Variants in MAP2 observed in about 807,000 individuals in gnomAD.
MAP2 encodes the protein microtubule-associated protein 2.
Under a neutral mutation model 137.6 loss-of-function variants are expected in MAP2, and 14 were observed. The observed-to-expected ratio is 0.10, with a 90% CI of 0.07 to 0.16. The LOEUF is 0.16. Ranked by LOEUF, MAP2 falls within the 10% of genes least tolerant of loss-of-function variation. MAP2 has a pLI of 1.00. For synonymous variants in MAP2, 786 were observed against 782.3 expected (o/e 1.00, Z -0.08); for missense variants, 2,088 against 2,191.5 (o/e 0.95, Z 0.94).
intron 2 of MAP2, among the ~76,000 whole-genome samples, chr2:209,562,008 T>C (rs1284471086): frequency 3.3e-5 from 5 of 152,218 alleles, no homozygotes. Context: ...TGTTTGATAA[T>C]TACTATTACA....
intron 4 of MAP2, among the ~76,000 whole-genome samples, chr2:209,646,672 G>A (rs1484036744): frequency 6.6e-6 from 1 of 152,120 alleles, no homozygotes; most frequent in Non-Finnish European, 1.5e-5. Flanking sequence ...ATATTAGATA[G>A]TTTCTATTAA....
chr2:209,599,000 C>G (rs1242395571), intron 3 of MAP2, among the ~76,000 whole-genome samples: 1 of 152,046 alleles, frequency 6.6e-6, no homozygotes, highest in African/African-American at 2.4e-5. Flanking sequence ...ATTTCTAGTT[C>G]TAGATCCCTG....
At chr2:209,707,844 G>A (rs1171297347) in intron 12 of MAP2, among the ~76,000 whole-genome samples, 1 of 152,016 alleles carries the variant, frequency 6.6e-6, no homozygotes, top group Non-Finnish European at 1.5e-5. Flanking sequence ...TACAAGTATG[G>A]AAATGACTCC....
chr2:209,672,035 C>T (rs1037627084), intron 5 of MAP2, among the ~76,000 whole-genome samples: 8 of 151,810 alleles, frequency 5.3e-5, no homozygotes, highest in Non-Finnish European at 8.8e-5. Flanking sequence ...CTTTAAAATG[C>T]GCTAAAAGCA....
At position 209,693,648 on chromosome 2, in the gene MAP2, T is replaced by G. The variant is rs754747611; in HGVS notation, c.1478T>G (p.Met493Arg). ...EQKDQEPTTD[M>R]LKQDSFPVSL... ...AAAGACCAAGAGCCTACCACAGATA[T>G]GTTGAAACAGGACTCGTTCCCTGTA... The change falls in exon 8 of 16, where the codon ATG (methionine) becomes AGG (arginine). Residue 493 changes from methionine (M) to arginine (R), a missense_variant. Coordinates refer to ENST00000682079, the MANE Select transcript of MAP2 (RefSeq NM_001375505.1). The G allele has an allele frequency of 6.2e-7, 1 of 1,613,922 alleles. No homozygotes were observed. The highest frequency in any genetic ancestry group is 8.5e-7 in the Non-Finnish European group (1 of 1,180,000).
intron 13 of MAP2, among the ~76,000 whole-genome samples, chr2:209,722,563 G>C (rs1187965053): frequency 6.6e-6 from 1 of 152,058 alleles, no homozygotes; most frequent in Non-Finnish European, 1.5e-5. Flanking sequence ...GAAGAGAGTA[G>C]AAGTAGCCAA....
chr2:209,693,536 G>A lies in MAP2; in HGVS notation c.1366G>A (p.Val456Met). Residue 456 changes from valine (V) to methionine (M), a missense_variant, in exon 8 of 16, where the codon GTG (valine) becomes ATG (methionine). Around this residue, in one of 6 missense-constraint regions of MAP2, gnomAD observed 859 missense variants for 794.5 expected, o/e 1.08. Transcript: ENST00000682079. Reference protein sequence around the residue: ...EKTTISDKEAVPKESKPPKPA... With the variant: ...EKTTISDKEAMPKESKPPKPA... Reference sequence around the variant, plus strand: ...AACCACCATTTCTGACAAAGAAGCTGTGCCAAAAGAGAGTAAACCCCCAAA... The same window carrying A: ...AACCACCATTTCTGACAAAGAAGCTATGCCAAAAGAGAGTAAACCCCCAAA... 6.2e-7 allele frequency: 1 copy of A among 1,611,472 alleles called. No homozygotes were observed. Among genetic ancestry groups the A allele is most frequent in the South Asian group, 1.1e-5 (1 of 90,422 alleles).
rs544347827 is a variant in MAP2 at position 209,436,610 on chromosome 2, A to G, written c.-222+12334A>G. On this transcript the variant is annotated intron_variant, in intron 1 of 15. Coordinates refer to ENST00000682079, the MANE Select transcript of MAP2 (RefSeq NM_001375505.1). ...AAAAGATAACAAATACATGAAGACT[A>G]TGTGAAGACAATAGTTAATATATTT... 8.6e-5 allele frequency among the ~76,000 whole-genome samples: 13 copies of G among 151,898 alleles called. No homozygotes were observed. In the East Asian group the frequency reaches 1.5e-3, roughly 18 times the overall value.
chr2:209,541,516 C>G (rs550751207), intron 2 of MAP2, among the ~76,000 whole-genome samples: 1 of 150,864 alleles, frequency 6.6e-6, no homozygotes, highest in East Asian at 1.9e-4. Flanking sequence ...TGAAAGATAT[C>G]TCTGTAACAT....
intron 14 of MAP2, among the ~76,000 whole-genome samples, chr2:209,726,151 T>G (rs2073909551): frequency 2.0e-5 from 3 of 152,310 alleles, no homozygotes; most frequent in South Asian, 4.1e-4. Context: ...AAGGTTTTTT[T>G]TCCTAAAATT....
At chr2:209,673,346 CATT>C (rs2049734899) in intron 5 of MAP2, among the ~76,000 whole-genome samples, 1 of 151,738 alleles carries the variant, frequency 6.6e-6, no homozygotes, top group Admixed American at 6.6e-5. Context: ...GAAATTGTCT[CATT>C]ATCATATTGA....
intron 3 of MAP2, among the ~76,000 whole-genome samples, chr2:209,594,868 G>A (rs1363396033): frequency 1.3e-5 from 2 of 152,132 alleles, no homozygotes; most frequent in African/African-American, 4.8e-5. Context: ...AGTACAGATT[G>A]TAAGATGTAG....
chr2:209,694,413 C>G lies in MAP2; in HGVS notation c.2243C>G (p.Ala748Gly). ...GATGAAGGGGATGATTACCTTCCAG[C>G]CACCACACCTGCACTGGAGAAAGCC... ...SMDEGDDYLP[A>G]TTPALEKAPC... The change falls in exon 8 of 16, where the codon GCC (alanine) becomes GGC (glycine). Residue 748 changes from alanine to glycine, a missense_variant. By Grantham distance (60) the Ala-to-Gly change is moderately conservative. Transcript: ENST00000682079. 1 of 1,614,030 alleles carries G rather than the reference C, an allele frequency of 6.2e-7. No individual in the cohort carries two copies. The highest frequency in any genetic ancestry group is 8.5e-7 in the Non-Finnish European group (1 of 1,179,986).
chr2:209,640,542 C>T lies in MAP2; in HGVS notation c.-29-12600C>T, dbSNP rs144730909. On this transcript the variant is annotated intron_variant, in intron 4 of 15. Transcript: ENST00000682079. ...CACTGATAAGGAATGCAATCAGGTT[C>T]AAAGAAATGCAAAAAAAAAAAAATA... is the stretch of plus-strand genomic sequence containing the variant. Among the ~76,000 whole-genome samples the T allele has an allele frequency of 2.2e-3, 279 of 124,000 alleles. 1 individual carries two copies. The highest frequency in any genetic ancestry group is 3.8e-3 in the Middle Eastern group (1 of 264). The allele number at this position is 124,000 out of a possible 152,430, so 81.3% of individuals were successfully genotyped here.
chr2:209,433,469 G>T (rs1001847464), intron 1 of MAP2, among the ~76,000 whole-genome samples: 1 of 152,084 alleles, frequency 6.6e-6, no homozygotes, highest in Non-Finnish European at 1.5e-5. Flanking sequence ...AGAACAGAAG[G>T]CAGGTACCAG....
intron 2 of MAP2, among the ~76,000 whole-genome samples, chr2:209,544,243 A>T (rs979154470): frequency 1.3e-5 from 2 of 151,988 alleles, no homozygotes; most frequent in South Asian, 4.2e-4. Context: ...AAAAGAAAAA[A>T]AAAACGGGGA....
chr2:209,697,729 G>A (rs1196848587), intron 10 of MAP2, among the ~76,000 whole-genome samples: 1 of 152,060 alleles, frequency 6.6e-6, no homozygotes, highest in Non-Finnish European at 1.5e-5. Flanking sequence ...TAAATATGTT[G>A]GATCCAAACT....
intron 11 of MAP2, 74 bp downstream of exon 11, chr2:209,700,412 T>C (rs2061466277): frequency 4.3e-6 from 5 of 1,170,930 alleles, no homozygotes; most frequent in East Asian, 2.3e-5. Context: ...AGAATAACTT[T>C]TGATATTGTT....
At chr2:209,668,402 A>G (rs976947738) in intron 5 of MAP2, among the ~76,000 whole-genome samples, 1 of 152,064 alleles carries the variant, frequency 6.6e-6, no homozygotes, top group Non-Finnish European at 1.5e-5. Context: ...GCTATTTGCA[A>G]ATTTCTCAAG....
Sources: allele counts gnomAD v4.1 joint callset (sites outside exome capture counted in the v4.1 genomes callset), GRCh38; gene constraint gnomAD v4.1.1; regional missense constraint gnomAD v4.1.1; transcripts MANE v1.5; gene names NCBI Gene and HGNC (gene_info 2026-07-23, HGNC 2026-07-21).